REXO1: variants seen among roughly 807,000 people sequenced by gnomAD.
REXO1 encodes the protein REX1, RNA exonuclease 1 homolog.
In REXO1, 42 loss-of-function variants were observed where a neutral mutation model predicts 102.6. That is an observed-to-expected ratio of 0.41 (90% confidence interval 0.32 to 0.53). REXO1 has a LOEUF of 0.53. Among genes scored for constraint, REXO1 ranks in the 20% least tolerant of loss-of-function variants. The pLI is 0.27. For synonymous variants in REXO1, 908 were observed against 779.1 expected, an observed-to-expected ratio of 1.17 and a Z score of -2.76; for missense variants, 1,819 against 1,732.5, an observed-to-expected ratio of 1.05 and a Z score of -0.89.
At chr19:1,846,134 C>T (rs2011526713) in intron 1 of REXO1, among the ~76,000 whole-genome samples, 1 of 152,182 alleles carries the variant, frequency 6.6e-6, no homozygotes, top group African/African-American at 2.4e-5. Flanking sequence ...GAGGCCGCTG[C>T]CCTGTGCACC....
intron 6 of REXO1, 86 bp downstream of exon 6, chr19:1,820,178 C>T (rs1206604225): frequency 1.1e-5 from 17 of 1,559,344 alleles, no homozygotes; most frequent in South Asian, 2.4e-5. Flanking sequence ...GTCACAGCTG[C>T]GGCTGAGAGG....
intron 1 of REXO1, among the ~76,000 whole-genome samples, chr19:1,833,785 G>A (rs545166348): frequency 1.4e-3 from 209 of 152,348 alleles, no homozygotes; most frequent in African/African-American, 4.4e-3. Context: ...CCGGAAGCCC[G>A]GCTGCCCAGT....
rs561158802 is a variant in REXO1, at chr19:1,848,180, C to T, written c.157+22G>A. On this transcript the variant is annotated intron_variant, in intron 1 of 15. Coordinates refer to ENST00000170168, the MANE Select transcript of REXO1 (RefSeq NM_020695.4). ...CCGGGCAGGGGAGCCGAGCCCAAGGCAAGCAGGCGGGCGGGCATTACCTGC... is the reference window on the plus strand; with the variant it reads ...CCGGGCAGGGGAGCCGAGCCCAAGGTAAGCAGGCGGGCGGGCATTACCTGC... 6.9e-4 allele frequency: 811 copies of T among 1,178,266 alleles called. 2 individuals are homozygous for T. In the African/African-American group the frequency reaches 9.3e-3, roughly 13 times the overall value. 73.0% of individuals were successfully genotyped at this position (1,178,266 alleles called of 1,614,324 possible).
At position 1,827,669 on chromosome 19, in the gene REXO1, C is replaced by T. The variant is rs1238909961; in HGVS notation, c.1120G>A (p.Gly374Arg). The T allele has an allele frequency of 1.3e-6, 2 of 1,567,358 alleles. No individual in the cohort carries two copies. The highest frequency in any genetic ancestry group is 1.7e-6 in the Non-Finnish European group (2 of 1,171,382). The change falls in exon 2 of 16, where the codon GGA becomes AGA. Residue 374 changes from glycine to arginine, a missense_variant. By Grantham distance (125) the Gly-to-Arg change is moderately radical. Coordinates refer to ENST00000170168, the MANE Select transcript of REXO1 (RefSeq NM_020695.4). ...SSQDGGCPKE[G>R]KPKKKKTGAP... ...CCGGTTTTTTTCTTCTTGGGTTTTC[C>T]CTCCTTGGGGCAGCCCCCATCCTGT...
rs1011629618 is a variant in REXO1, at chr19:1,827,164, G to A, written c.1625C>T (p.Ala542Val). The A allele has an allele frequency of 6.5e-7, 1 of 1,541,646 alleles. No homozygotes were observed. The change falls in exon 2 of 16, where the codon GCC (alanine) becomes GTC (valine). Residue 542 changes from alanine to valine, a missense_variant. Coordinates refer to ENST00000170168, the MANE Select transcript of REXO1 (RefSeq NM_020695.4). The part of the protein sequence containing the change: ...GPGVPSVWPS[A>V]LPSLSSDSDS... ...TGAGTCCGAGCTGAGGCTGGGGAGG[G>A]CAGAGGGCCACACGCTCGGCACCCC...
At chr19:1,847,839 A>G (rs2011619469) in intron 1 of REXO1, among the ~76,000 whole-genome samples, 3 of 151,902 alleles carry the variant, frequency 2.0e-5, no homozygotes, top group Admixed American at 2.0e-4. Context: ...GGCGGGCGCC[A>G]ATCAGGGGCA....
At position 1,826,292 on chromosome 19, in the gene REXO1, C is replaced by T. The variant is rs760276494; in HGVS notation, c.1912-349G>A. Among the ~76,000 whole-genome samples, 1 of 152,050 alleles carries T rather than the reference C, an allele frequency of 6.6e-6. No individual in the cohort carries two copies. Among genetic ancestry groups the T allele is most frequent in the African/African-American group, 2.4e-5 (1 of 41,366 alleles). On this transcript the variant is annotated intron_variant, in intron 2 of 15. Transcript: ENST00000170168. This position sits in a 1 kb window ranked among gnomAD's most constrained non-coding sequence, Gnocchi z 4.3. ...TTGGGCTCAGTCTGTGTGGAGTGAG[C>T]TCCCCCTGGTGGCCAATTTGGGGAC...
At chr19:1,820,524 C>A (rs1163695817) in intron 5 of REXO1, 129 bp from the exon 6 acceptor site, 3 of 1,082,126 alleles carry the variant, frequency 2.8e-6, no homozygotes, top group African/African-American at 1.6e-5. Flanking sequence ...ATCAGCCTGG[C>A]TGCAGTAGGG....
chr19:1,821,707 C>A, intron 4 of REXO1, 25 bp from the exon 5 acceptor site: 1 of 1,597,096 alleles, frequency 6.3e-7, no homozygotes. Flanking sequence ...GGGGTGTGGG[C>A]ACAGGGCGAG....
rs556621180 is a variant in REXO1, at chr19:1,823,240, CT to C, written c.2230+331del. The C allele has an allele frequency of 1.4e-3, 442 of 319,996 alleles. 2 individuals are homozygous for C. The highest frequency in any genetic ancestry group is 7.4e-3 in the African/African-American group (350 of 47,012). The allele number at this position is 319,996 out of a possible 1,614,324, so 19.8% of individuals were successfully genotyped here. On this transcript the variant is annotated intron_variant, in intron 4 of 15. Transcript: ENST00000170168. ...AGAAAGCCACACCTGCAGAAGCCTG[CT>C]CCCCACCCAATGCCAGGTACCCCGA...
intron 6 of REXO1, 93 bp downstream of exon 6, chr19:1,820,171 A>G: frequency 6.4e-7 from 1 of 1,559,450 alleles, no homozygotes; most frequent in Admixed American, 2.0e-5. Flanking sequence ...GCTCCGGGTC[A>G]CAGCTGCGGC....
Position 1,815,757 on chromosome 19 carries a change from C to A in REXO1, c.*309G>T. 7.0e-7 allele frequency: 1 copy of A among 1,422,870 alleles called. No homozygotes were observed. Among genetic ancestry groups the A allele is most frequent in the Non-Finnish European group, 9.2e-7 (1 of 1,081,856 alleles). 88.1% of individuals were successfully genotyped at this position (1,422,870 alleles called of 1,614,324 possible). On this transcript the variant is annotated 3_prime_UTR_variant, in exon 16 of 16. Transcript: ENST00000170168. This position sits in a 1 kb window ranked among gnomAD's most constrained non-coding sequence, Gnocchi z 4.0. ...GCCGGCCACCACCCGGGAGGGAGGG[C>A]CTGGCAGGAGGGGCAGGAGGGGCTG...
chr19:1,822,119 A>C (rs1476355932), intron 4 of REXO1: 1 of 403,764 alleles, frequency 2.5e-6, no homozygotes, highest in African/African-American at 2.1e-5. Flanking sequence ...GGAGGAGGCC[A>C]GGCCTGCAGG....
chr19:1,820,130 T>C, intron 6 of REXO1, 73 bp from the exon 7 acceptor site: 2 of 1,570,508 alleles, frequency 1.3e-6, no homozygotes, highest in Non-Finnish European at 1.7e-6. Flanking sequence ...GGGGTCGCCA[T>C]GGGGTCGGGG....
At chr19:1,818,289 T>C (rs990658863) in intron 10 of REXO1, among the ~76,000 whole-genome samples, 193 bp downstream of exon 10, 43 of 152,216 alleles carry the variant, frequency 2.8e-4, no homozygotes, top group African/African-American at 9.6e-4. Flanking sequence ...GTCTTACTTT[T>C]GCATAAAGAA....
chr19:1,826,022 G>A lies in REXO1; in HGVS notation c.1912-79C>T, dbSNP rs879943449. The A allele has an allele frequency of 3.3e-5, 33 of 1,005,388 alleles. No individual in the cohort carries two copies. Among genetic ancestry groups the A allele is most frequent in the East Asian group, 9.9e-5 (4 of 40,406 alleles). 62.3% of individuals were successfully genotyped at this position (1,005,388 alleles called of 1,614,324 possible). A position where few individuals can be genotyped will look rare whatever the true frequency, so the allele number is the denominator to read the frequency against. ...CACACCCCAACCTCAAACTGCCCCC[G>A]GCAAGTGGGGAATGGAACAGTCCAG... On this transcript the variant is annotated intron_variant, in intron 2 of 15. Transcript: ENST00000170168. This position sits in a 1 kb window ranked among gnomAD's most constrained non-coding sequence, Gnocchi z 4.3.
chr19:1,831,466 C>T (rs1396569492), intron 1 of REXO1, among the ~76,000 whole-genome samples: 2 of 152,098 alleles, frequency 1.3e-5, no homozygotes, highest in East Asian at 1.9e-4. Context: ...CTGTGGGCGA[C>T]GCAGAGAACA....
chr19:1,833,536 G>A lies in REXO1; in HGVS notation c.158-4905C>T, dbSNP rs938111418. ...ACTGTGGCTGCCAGTTCCTCTGTGCGGGGAGGGACAGCTGCCAGGCCAGGA... is the reference window on the plus strand; with the variant it reads ...ACTGTGGCTGCCAGTTCCTCTGTGCAGGGAGGGACAGCTGCCAGGCCAGGA... On this transcript the variant is annotated intron_variant, in intron 1 of 15. Coordinates refer to ENST00000170168, the MANE Select transcript of REXO1 (RefSeq NM_020695.4). 2.6e-5 allele frequency among the ~76,000 whole-genome samples: 4 copies of A among 152,192 alleles called. No individual in the cohort carries two copies. In the East Asian group the frequency reaches 5.8e-4, roughly 22 times the overall value.
chr19:1,835,019 A>G, intron 1 of REXO1: 1 of 413,352 alleles, frequency 2.4e-6, no homozygotes, highest in Non-Finnish European at 5.0e-6. Context: ...TCACACAGGA[A>G]GTTGCCTGGG....
Sources: allele counts gnomAD v4.1 joint callset (sites outside exome capture counted in the v4.1 genomes callset), GRCh38; gene constraint gnomAD v4.1.1; non-coding constraint Gnocchi (gnomAD v3.1); transcripts MANE v1.5; gene names NCBI Gene and HGNC (gene_info 2026-07-23, HGNC 2026-07-21).